The following ZNF454 variants were observed in gnomAD, a reference collection of about 807,000 sequenced individuals.
The protein encoded by ZNF454 is zinc finger protein 454.
In ZNF454, 30 loss-of-function variants were observed where a neutral mutation model predicts 48.2. The observed-to-expected ratio is 0.62, with a 90% CI of 0.47 to 0.84. The LOEUF is 0.84. Among genes scored for constraint, ZNF454 ranks in the 40% least tolerant of loss-of-function variants. The pLI, the probability that ZNF454 is intolerant of heterozygous loss-of-function variation, is 0.00. For missense variants in ZNF454, 510 were observed against 623.1 expected, an observed-to-expected ratio of 0.82 and a Z score of 1.93; for synonymous variants, 204 against 211.4, an observed-to-expected ratio of 0.97 and a Z score of 0.30.
At chr5:178,968,362 T>A (rs1248853552), downstream of ZNF454, among the ~76,000 whole-genome samples, 1 of 152,078 alleles carries the variant, frequency 6.6e-6, no homozygotes, top group African/African-American at 2.4e-5. Context: ...AAGAGGATAT[T>A]CTATATCATG....
chr5:178,966,023 T>C lies in ZNF454; in HGVS notation c.*50T>C. The C allele has an allele frequency of 1.4e-6, 2 of 1,380,102 alleles. No individual in the cohort carries two copies. Among genetic ancestry groups the C allele is most frequent in the South Asian group, 1.4e-5 (1 of 71,006 alleles). The allele number at this position is 1,380,102 out of a possible 1,614,324, so 85.5% of individuals were successfully genotyped here. A position where few individuals can be genotyped will look rare whatever the true frequency, so the allele number is the denominator to read the frequency against. On this transcript the variant is annotated 3_prime_UTR_variant, in exon 5 of 5. Transcript: ENST00000519564. ...CCTTTGAGACTGAGTAGATGAATTA[T>C]TGAATGTGAGATAATCCGTTCTAGA...
chr5:178,949,277 C>T (rs903993851), intron 4 of ZNF454, among the ~76,000 whole-genome samples: 8 of 152,030 alleles, frequency 5.3e-5, no homozygotes, highest in African/African-American at 1.4e-4. Context: ...TTCTCAAACT[C>T]GTGACCTCTG....
Position 178,966,171 on chromosome 5 carries a change from CTG to C in ZNF454, c.*200_*201del, listed in dbSNP as rs889559546. 1.7e-4 allele frequency: 82 copies of C among 487,554 alleles called. 1 individual carries two copies. Among genetic ancestry groups the C allele is most frequent in the Middle Eastern group, 5.5e-4 (1 of 1,818 alleles). The allele number at this position is 487,554 out of a possible 1,614,324, so 30.2% of individuals were successfully genotyped here. A position where few individuals can be genotyped will look rare whatever the true frequency, so the allele number is the denominator to read the frequency against. ...CTCGGCTGGGCACAGTGGCTCACGT[CTG>C]TAATCTTTGGGAGCACTTTGGGAGG... On this transcript the variant is annotated 3_prime_UTR_variant, in exon 5 of 5. Coordinates refer to ENST00000519564, the MANE Select transcript of ZNF454 (RefSeq NM_001178089.3).
the ZNF454 span, chr5:178,983,528 C>T: frequency 6.9e-6 from 4 of 583,198 alleles, no homozygotes; most frequent in Middle Eastern, 2.6e-4. Context: ...TGTCCTCTTC[C>T]TGCATTCTAG....
At chr5:178,957,708 G>T (rs1759834808) in intron 4 of ZNF454, among the ~76,000 whole-genome samples, 1 of 152,178 alleles carries the variant, frequency 6.6e-6, no homozygotes, top group African/African-American at 2.4e-5. Context: ...GACCCAGTGA[G>T]TGTGCCTGAG....
At chr5:178,985,309 A>G in the ZNF454 span, 1 of 454,036 alleles carries the variant, frequency 2.2e-6, no homozygotes, top group Non-Finnish European at 4.4e-6. Context: ...TCCCCACCTG[A>G]CTGCCCCGTT....
chr5:178,987,447 G>A, the ZNF454 span: 1 of 457,524 alleles, frequency 2.2e-6, no homozygotes, highest in South Asian at 1.5e-5. Flanking sequence ...ACACGACGGG[G>A]CCATTCACAC....
intron 4 of ZNF454, chr5:178,957,007 C>T (rs1450026959): frequency 5.3e-6 from 1 of 188,598 alleles, no homozygotes; most frequent in South Asian, 7.7e-5. Flanking sequence ...CCTCAGTCTC[C>T]CGAGTAGCTG....
downstream of ZNF454, chr5:178,969,584 G>A (rs528228571): frequency 1.3e-5 from 6 of 456,732 alleles, no homozygotes; most frequent in African/African-American, 4.0e-5. Flanking sequence ...GTCTTCACAC[G>A]TCCAGCCTGC....
At chr5:178,959,196 T>C (rs1268958902) in intron 4 of ZNF454, among the ~76,000 whole-genome samples, 1 of 152,184 alleles carries the variant, frequency 6.6e-6, no homozygotes, top group African/African-American at 2.4e-5. Flanking sequence ...GGTATCCAGT[T>C]GACCCAGGAT....
chr5:178,985,714 AC>A, the ZNF454 span: 1,535 of 385,802 alleles, frequency 4.0e-3, 47 homozygotes, highest in Middle Eastern at 6.1e-3. Flanking sequence ...AAAAAAAAAA[AC>A]AAAACAACAC....
At chr5:178,986,536 G>A in the ZNF454 span, 4 of 1,608,080 alleles carry the variant, frequency 2.5e-6, no homozygotes, top group African/African-American at 5.3e-5. Context: ...CACAGGTGTG[G>A]GGCGGCAGCC....
At chr5:178,987,782 C>G in the ZNF454 span, among the ~76,000 whole-genome samples, 2 of 152,034 alleles carry the variant, frequency 1.3e-5, no homozygotes, top group African/African-American at 4.8e-5. Flanking sequence ...TATTTAGAGA[C>G]AGAGTCTCAC....
downstream of ZNF454, chr5:178,968,732 G>A (rs1483825212): frequency 1.3e-5 from 6 of 456,372 alleles, no homozygotes; most frequent in Admixed American, 2.3e-5. Flanking sequence ...CCCTTACCTT[G>A]AATCCCTGAG....
chr5:178,952,174 A>T (rs1159576651), intron 4 of ZNF454, among the ~76,000 whole-genome samples: 1 of 151,610 alleles, frequency 6.6e-6, no homozygotes, highest in Non-Finnish European at 1.5e-5. Context: ...AGTAGCTGGG[A>T]CTACAGGCGC....
chr5:178,986,468 C>G, the ZNF454 span: 1 of 1,612,318 alleles, frequency 6.2e-7, no homozygotes, highest in South Asian at 1.1e-5. Context: ...GCCACGATGC[C>G]CAGCACGGCC....
At chr5:178,968,419 C>A (rs1004613327), downstream of ZNF454, among the ~76,000 whole-genome samples, 3 of 152,146 alleles carry the variant, frequency 2.0e-5, no homozygotes, top group African/African-American at 7.2e-5. Flanking sequence ...TGGAAGCTTC[C>A]AGCAGCTTCA....
chr5:178,985,327 A>G, the ZNF454 span: 24 of 453,442 alleles, frequency 5.3e-5, no homozygotes, highest in South Asian at 3.6e-4. Context: ...GTTTTCCTTC[A>G]AGGACCCAGC....
chr5:178,981,826 A>G, the ZNF454 span: 4 of 1,613,014 alleles, frequency 2.5e-6, no homozygotes, highest in African/African-American at 1.3e-5. This position sits in a 1 kb window ranked among gnomAD's most constrained non-coding sequence, Gnocchi z 5.1. Flanking sequence ...GCTCAAGGAC[A>G]CGGTTAGCGT....
Sources: gnomAD v4.1 joint callset for allele counts (sites outside exome capture counted in the v4.1 genomes callset) on GRCh38, gnomAD v4.1.1 for gene constraint, Gnocchi (gnomAD v3.1) non-coding constraint, MANE v1.5 for transcripts, NCBI Gene and HGNC (gene_info 2026-07-23, HGNC 2026-07-21) for gene names.